Variants in DLGAP2 observed in about 807,000 individuals in gnomAD.
The protein encoded by DLGAP2 is DLG associated protein 2, also known as disks large-associated protein 2.
A neutral mutation model predicts 100.3 loss-of-function variants in DLGAP2; 26 were observed. That is an observed-to-expected ratio of 0.26 (90% CI 0.19 to 0.36). The LOEUF is 0.36. DLGAP2 is among the 10% of genes least tolerant of loss of function. The pLI, the probability that DLGAP2 is intolerant of heterozygous loss-of-function variation, is 1.00. For synonymous variants in DLGAP2, 886 were observed against 630.1 expected, an observed-to-expected ratio of 1.41 and a Z score of -6.08; for missense variants, 1,858 against 1,453.2, an observed-to-expected ratio of 1.28 and a Z score of -4.53.
intron 3 of DLGAP2, among the ~76,000 whole-genome samples, chr8:1,472,252 C>T (rs180890905): frequency 5.3e-5 from 8 of 152,196 alleles, no homozygotes; most frequent in African/African-American, 9.6e-5. Context: ...TTGAGCCATG[C>T]GGTAGAGCGG....
At chr8:797,462 T>C (rs1435678593) in intron 1 of DLGAP2, among the ~76,000 whole-genome samples, 1 of 152,168 alleles carries the variant, frequency 6.6e-6, no homozygotes. Flanking sequence ...CTGGATGGAC[T>C]CCTGGCTGTT....
chr8:1,663,248 C>G lies in DLGAP2; in HGVS notation c.1811-5081C>G, dbSNP rs1798460274. Reference sequence around the variant, plus strand: ...GGGTGTGAGTGTGTGTGTACATGCACATGCGCACTCCAAGGTGACTTTTCT... The same window carrying G: ...GGGTGTGAGTGTGTGTGTACATGCAGATGCGCACTCCAAGGTGACTTTTCT... On this transcript the variant is annotated intron_variant, in intron 8 of 14. Transcript: ENST00000637795. 1.3e-5 allele frequency among the ~76,000 whole-genome samples: 2 copies of G among 151,984 alleles called. 1 individual carries two copies. The highest frequency in any genetic ancestry group is 4.1e-4 in the South Asian group (2 of 4,824).
intron 3 of DLGAP2, among the ~76,000 whole-genome samples, chr8:1,310,058 CAAAAA>C (rs3052029): frequency 1.9e-5 from 2 of 105,706 alleles, no homozygotes; most frequent in Admixed American, 1.0e-4. Context: ...GTCTCCATCT[CAAAAA>C]AAAAAAAAAA....
chr8:1,442,580 G>A (rs1235613912), intron 3 of DLGAP2, among the ~76,000 whole-genome samples: 1 of 145,600 alleles, frequency 6.9e-6, no homozygotes. Flanking sequence ...CCAGGCTGCT[G>A]TGGGTTCAGC....
Position 1,148,060 on chromosome 8 carries a change from A to G in DLGAP2, c.74-110791A>G, listed in dbSNP as rs538963274. 2.6e-5 allele frequency among the ~76,000 whole-genome samples: 4 copies of G among 152,314 alleles called. No homozygotes were observed. In the East Asian group the frequency reaches 5.8e-4, roughly 22 times the overall value. On this transcript the variant is annotated intron_variant, in intron 2 of 14. Coordinates refer to ENST00000637795, the MANE Select transcript of DLGAP2 (RefSeq NM_001346810.2). The stretch of plus-strand genomic sequence containing the variant: ...AGTTTATATTATTTATTCTTTAAAC[A>G]TTGGAAATATTTCTGGAGAAGCCAT...
chr8:862,742 T>C (rs1237668465), intron 1 of DLGAP2, among the ~76,000 whole-genome samples: 3 of 152,314 alleles, frequency 2.0e-5, no homozygotes, highest in East Asian at 1.9e-4. Flanking sequence ...TTGAGTCCAG[T>C]TGGACGTGGT....
chr8:1,591,380 A>G (rs1796285763), intron 6 of DLGAP2, among the ~76,000 whole-genome samples: 1 of 152,132 alleles, frequency 6.6e-6, no homozygotes, highest in Non-Finnish European at 1.5e-5. Flanking sequence ...GAGCAAAAAG[A>G]AAGGGCCCTC....
At chr8:797,345 G>A (rs936165574) in intron 1 of DLGAP2, among the ~76,000 whole-genome samples, 14 of 152,184 alleles carry the variant, frequency 9.2e-5, no homozygotes, top group Non-Finnish European at 5.9e-5. Flanking sequence ...ACTCAATGTA[G>A]CGTTTTTGAG....
At chr8:1,044,572 C>G (rs2129031425) in intron 2 of DLGAP2, among the ~76,000 whole-genome samples, 1 of 152,342 alleles carries the variant, frequency 6.6e-6, no homozygotes, top group East Asian at 1.9e-4. Context: ...CCTGGCAGGA[C>G]ACGACGTCTC....
intron 2 of DLGAP2, among the ~76,000 whole-genome samples, chr8:1,009,111 C>T (rs13252587): frequency 2.0e-5 from 3 of 152,208 alleles, no homozygotes; most frequent in Admixed American, 6.5e-5. Flanking sequence ...TGGGGACCCT[C>T]TTCCATGTGG....
At chr8:1,076,981 C>T (rs1585038216) in intron 2 of DLGAP2, among the ~76,000 whole-genome samples, 1 of 144,992 alleles carries the variant, frequency 6.9e-6, no homozygotes, top group African/African-American at 2.6e-5. Context: ...GGAGTCTGTC[C>T]CGGGCCCCCC....
chr8:843,453 C>T (rs1053442971), intron 1 of DLGAP2, among the ~76,000 whole-genome samples: 4 of 152,244 alleles, frequency 2.6e-5, no homozygotes, highest in African/African-American at 7.2e-5. Context: ...AATCCCCTTC[C>T]GGCTTTGGGG....
At chr8:1,577,338 G>A (rs1239752930) in intron 6 of DLGAP2, among the ~76,000 whole-genome samples, 1 of 152,172 alleles carries the variant, frequency 6.6e-6, no homozygotes, top group East Asian at 1.9e-4. Context: ...GGAGGCCAAG[G>A]TGGGCAGATC....
At chr8:1,506,837 C>G (rs993533702) in intron 4 of DLGAP2, among the ~76,000 whole-genome samples, 2 of 152,106 alleles carry the variant, frequency 1.3e-5, no homozygotes, top group African/African-American at 2.4e-5. Context: ...TTCCAAGTCC[C>G]CACTAGATGA....
chr8:1,498,504 A>G (rs1799615817), intron 3 of DLGAP2, among the ~76,000 whole-genome samples: 1 of 152,150 alleles, frequency 6.6e-6, no homozygotes, highest in South Asian at 2.1e-4. Flanking sequence ...AACCCCTCTA[A>G]TGAGACTCCG....
chr8:994,114 G>A (rs1281604768), intron 2 of DLGAP2, among the ~76,000 whole-genome samples: 1 of 152,158 alleles, frequency 6.6e-6, no homozygotes, highest in Admixed American at 6.5e-5. Flanking sequence ...AATCGCCACT[G>A]CACTACAATG....
chr8:1,168,130 T>C (rs1291740235), intron 2 of DLGAP2, among the ~76,000 whole-genome samples: 1 of 146,382 alleles, frequency 6.8e-6, no homozygotes, highest in Non-Finnish European at 1.5e-5. Flanking sequence ...GAATCTGCGG[T>C]GTTTGGTTTT....
intron 3 of DLGAP2, among the ~76,000 whole-genome samples, chr8:1,303,625 A>G (rs531921454): frequency 5.5e-4 from 84 of 152,180 alleles, no homozygotes; most frequent in African/African-American, 1.9e-3. Flanking sequence ...AAAGTCCTCC[A>G]TCCATGCCTC....
At chr8:1,299,794 A>G (rs1800287104) in intron 3 of DLGAP2, 2 of 152,210 alleles carry the variant, frequency 1.3e-5, no homozygotes, top group Admixed American at 6.5e-5. Context: ...TCAAGAATGG[A>G]TCTGAAGCAA....
Sources: allele counts gnomAD v4.1 joint callset (sites outside exome capture counted in the v4.1 genomes callset), GRCh38; gene constraint gnomAD v4.1.1; transcripts MANE v1.5; gene names NCBI Gene and HGNC (gene_info 2026-07-23, HGNC 2026-07-21).